Variants in DOP1A observed in about 807,000 individuals in gnomAD.
DOP1A encodes the protein protein DOP1A.
DOP1A carries 90 observed loss-of-function variants against 267.6 expected under a neutral mutation model. That is an observed-to-expected ratio of 0.34 (90% CI 0.28 to 0.40). DOP1A has a LOEUF of 0.40. Among genes scored for constraint, DOP1A ranks in the 10% least tolerant of loss-of-function variants. DOP1A has a pLI of 1.00. For synonymous variants in DOP1A, 932 were observed against 999.1 expected (o/e 0.93, Z 1.27); for missense variants, 2,437 against 2,900.4 (o/e 0.84, Z 3.67).
chr6:83,085,193 T>C (rs1381251267), intron 1 of DOP1A, among the ~76,000 whole-genome samples: 1 of 152,204 alleles, frequency 6.6e-6, no homozygotes, highest in Non-Finnish European at 1.5e-5. Context: ...GAAAATGGTT[T>C]AACTATATTG....
intron 1 of DOP1A, among the ~76,000 whole-genome samples, chr6:83,086,119 T>G (rs923479040): frequency 6.6e-6 from 1 of 152,178 alleles, no homozygotes; most frequent in African/African-American, 2.4e-5. Context: ...TGATTGAACC[T>G]TGAAGTAAGG....
chr6:83,170,844 C>A (rs1786942575), downstream of DOP1A: 1 of 168,606 alleles, frequency 5.9e-6, no homozygotes, highest in African/African-American at 2.4e-5. Context: ...GAACAATCAG[C>A]CATTTCTGTG....
rs1582890212 is a variant in DOP1A at position 83,089,148 on chromosome 6, G to C, written c.-146-7583G>C. Among the ~76,000 whole-genome samples the C allele has an allele frequency of 2.0e-5, 3 of 152,294 alleles. No individual in the cohort carries two copies. The South Asian group carries it at 6.2e-4, about 32-fold the overall frequency. Reference sequence around the variant, plus strand: ...CCCTCCCCCTGCCTTTTGTGGCAAAGGAAGGAGAGAAAGAGAAAATGCAGC... The same window carrying C: ...CCCTCCCCCTGCCTTTTGTGGCAAACGAAGGAGAGAAAGAGAAAATGCAGC... On this transcript the variant is annotated intron_variant, in intron 1 of 38. Coordinates refer to ENST00000349129, the MANE Select transcript of DOP1A (RefSeq NM_015018.4).
chr6:83,158,605 T>A lies in DOP1A; in HGVS notation c.6780T>A (p.Ala2260=), dbSNP rs1205932237. 1.2e-6 allele frequency: 2 copies of A among 1,607,122 alleles called. No homozygotes were observed. Among genetic ancestry groups the A allele is most frequent in the Non-Finnish European group, 1.7e-6 (2 of 1,175,910 alleles). ...TACTGATGGAGCAGGAACTCACTGC[T>A]GATGAAGATATTTCACGGTAATATG... is the stretch of plus-strand genomic sequence containing the variant. ...VFLLMEQELT[A]DEDISRTSGP... is the part of the protein sequence containing the mutation. Residue 2260 remains alanine, a synonymous_variant, in exon 36 of 39, where the codon GCT becomes GCA. Transcript: ENST00000349129.
In DOP1A at chr6:83,166,385, C is replaced by T. The variant is rs1416790624; in HGVS notation, c.7093-1477C>T. On this transcript the variant is annotated intron_variant, in intron 38 of 38. Transcript: ENST00000349129. ...GTCTCCTTTGCAAAACTTCTTGAGC[C>T]ATCACGGCACTGTATGTTCATTAGC... The T allele has an allele frequency of 5.7e-6, 4 of 700,856 alleles. No homozygotes were observed. In the East Asian group the frequency reaches 1.1e-4, roughly 19 times the overall value. 43.4% of individuals were successfully genotyped at this position (700,856 alleles called of 1,614,324 possible).
chr6:83,163,922 C>G (rs1784818300), intron 38 of DOP1A, among the ~76,000 whole-genome samples: 2 of 151,894 alleles, frequency 1.3e-5, no homozygotes. Context: ...TTTTATCTTT[C>G]AGTATGCATC....
At chr6:83,120,037 C>A (rs1014001670) in intron 9 of DOP1A, among the ~76,000 whole-genome samples, 180 bp downstream of exon 9, 1 of 151,888 alleles carries the variant, frequency 6.6e-6, no homozygotes, top group South Asian at 2.1e-4. Flanking sequence ...ATATGTTAGA[C>A]TACCATGTAA....
chr6:83,146,468 T>C (rs1468727534), intron 25 of DOP1A, among the ~76,000 whole-genome samples: 1 of 152,194 alleles, frequency 6.6e-6, no homozygotes, highest in Non-Finnish European at 1.5e-5. Context: ...CTGGGGCATT[T>C]GTCATAGGAT....
chr6:83,071,187 A>T (rs1400231379), intron 1 of DOP1A, among the ~76,000 whole-genome samples: 5 of 152,190 alleles, frequency 3.3e-5, no homozygotes, highest in Non-Finnish European at 7.3e-5. Flanking sequence ...ATACAGTCAG[A>T]GGAACTGAAA....
At chr6:83,090,560 A>G (rs914524152) in intron 1 of DOP1A, among the ~76,000 whole-genome samples, 1 of 152,238 alleles carries the variant, frequency 6.6e-6, no homozygotes, top group African/African-American at 2.4e-5. Flanking sequence ...TGTGTTATTC[A>G]CAAACTTTGT....
At chr6:83,101,117 G>A (rs1281896179) in intron 4 of DOP1A, among the ~76,000 whole-genome samples, 1 of 152,024 alleles carries the variant, frequency 6.6e-6, no homozygotes, top group Non-Finnish European at 1.5e-5. Context: ...CCGGGTTCAC[G>A]CCATTCTCCT....
At chr6:83,124,947 C>CT in intron 13 of DOP1A, 128 bp downstream of exon 13, 4 of 914,818 alleles carry the variant, frequency 4.4e-6, no homozygotes, top group Non-Finnish European at 6.6e-6. Flanking sequence ...CTTTGGTAAG[C>CT]TTTTTTCATA....
chr6:83,152,612 T>C (rs1315885747), intron 30 of DOP1A, among the ~76,000 whole-genome samples: 1 of 149,930 alleles, frequency 6.7e-6, no homozygotes, highest in Non-Finnish European at 1.5e-5. Flanking sequence ...ATGTGTTTTT[T>C]TCTTTTTCTT....
chr6:83,132,376 C>T, intron 18 of DOP1A, 48 bp downstream of exon 18: 1 of 1,515,722 alleles, frequency 6.6e-7, no homozygotes, highest in Non-Finnish European at 8.9e-7. Context: ...CACACACACA[C>T]ACACACACAA....
chr6:83,087,727 G>A (rs552023790), intron 1 of DOP1A, among the ~76,000 whole-genome samples: 30 of 152,296 alleles, frequency 2.0e-4, no homozygotes, highest in Non-Finnish European at 1.9e-4. Flanking sequence ...TAAAATACAC[G>A]AAGCACTTGA....
intron 21 of DOP1A, among the ~76,000 whole-genome samples, chr6:83,139,380 A>G (rs1009774379): frequency 6.8e-4 from 104 of 152,118 alleles, no homozygotes; most frequent in African/African-American, 2.4e-3. Context: ...AAACAGGCTT[A>G]TTTTCTACCA....
chr6:83,142,047 G>A lies in DOP1A; in HGVS notation c.5541+1G>A. 1.2e-6 allele frequency: 2 copies of A among 1,609,886 alleles called. No individual in the cohort carries two copies. Among genetic ancestry groups the A allele is most frequent in the Non-Finnish European group, 1.7e-6 (2 of 1,178,888 alleles). Reference sequence around the variant, plus strand: ...GAATAAAACAACCACCAGGACCAAGGTATGTATTTAGACATTTGGCACTTT... The same window carrying A: ...GAATAAAACAACCACCAGGACCAAGATATGTATTTAGACATTTGGCACTTT... On this transcript the variant is annotated splice_donor_variant, in intron 24 of 38. Transcript: ENST00000349129. LOFTEE classifies it high-confidence loss of function.
chr6:83,160,105 A>T, intron 37 of DOP1A, 145 bp downstream of exon 37: 1 of 774,292 alleles, frequency 1.3e-6, no homozygotes, highest in South Asian at 1.9e-5. Flanking sequence ...GGCACAGCAG[A>T]GTTATCGGAA....
At chr6:83,082,619 A>C (rs1398582169) in intron 1 of DOP1A, among the ~76,000 whole-genome samples, 2 of 152,156 alleles carry the variant, frequency 1.3e-5, no homozygotes, top group African/African-American at 4.8e-5. Context: ...TAATGATGAT[A>C]TGTTCTTGAA....
Sources: allele counts gnomAD v4.1 joint callset (sites outside exome capture counted in the v4.1 genomes callset), GRCh38; gene constraint gnomAD v4.1.1; transcripts MANE v1.5; gene names NCBI Gene and HGNC (gene_info 2026-07-23, HGNC 2026-07-21).